Variants in CDYL observed in about 807,000 individuals in gnomAD.
CDYL encodes chromodomain Y like.
A neutral mutation model predicts 47.3 loss-of-function variants in CDYL; 8 were observed. The ratio of observed to expected loss-of-function variants is 0.17; its 90% CI spans 0.10 to 0.31. The LOEUF (loss-of-function observed/expected upper bound fraction) is 0.31, where lower values mean the gene tolerates loss of function less well. Ranked by LOEUF, CDYL falls within the 10% of genes least tolerant of loss-of-function variation. The probability of loss-of-function intolerance (pLI) is 1.00; values close to 1 mark genes in which losing one functional copy is unlikely to be tolerated. For synonymous variants in CDYL, 266 were observed against 265.0 expected, an observed-to-expected ratio of 1.00 and a Z score of -0.04; for missense variants, 471 against 701.4, an observed-to-expected ratio of 0.67 and a Z score of 3.71.
At chr6:4,821,328 A>C (rs1345916156) in intron 1 of CDYL, among the ~76,000 whole-genome samples, 1 of 115,554 alleles carries the variant, frequency 8.7e-6, no homozygotes, top group South Asian at 3.0e-4. Context: ...CCCAGGCTGG[A>C]GTGCAGTGGT....
intron 2 of CDYL, among the ~76,000 whole-genome samples, chr6:4,923,898 CTCAAAAAAAAAAAAAAAAA>C (rs1368239665): frequency 9.8e-5 from 1 of 10,210 alleles, no homozygotes; most frequent in African/African-American, 1.8e-4. Flanking sequence ...GAGACTCCGT[CTCAAAAAAAAAAAAAAAAA>C]TCAAAAAAAA....
At chr6:4,802,512 C>G (rs1257689831) in intron 1 of CDYL, among the ~76,000 whole-genome samples, 1 of 152,074 alleles carries the variant, frequency 6.6e-6, no homozygotes. Flanking sequence ...GTATTCCAGC[C>G]TGGGTGACAG....
intron 1 of CDYL, among the ~76,000 whole-genome samples, chr6:4,868,348 T>G (rs1420657307): frequency 3.3e-5 from 5 of 151,956 alleles, no homozygotes; most frequent in African/African-American, 9.7e-5. Context: ...CTATATTTTC[T>G]TTTTTGACTG....
chr6:4,746,201 T>C (rs945572422), intron 3 of CDYL, among the ~76,000 whole-genome samples: 3 of 151,176 alleles, frequency 2.0e-5, no homozygotes, highest in African/African-American at 7.3e-5. Flanking sequence ...CCATCTCTAC[T>C]GAAAGTACAA....
intron 1 of CDYL, among the ~76,000 whole-genome samples, chr6:4,712,143 G>A (rs916404524): frequency 1.3e-5 from 2 of 152,044 alleles, no homozygotes; most frequent in African/African-American, 4.8e-5. Context: ...TGAGGGAAAA[G>A]CAACCTTTAT....
chr6:4,895,022 T>C (rs1223176254), intron 2 of CDYL, among the ~76,000 whole-genome samples: 2 of 151,760 alleles, frequency 1.3e-5, no homozygotes, highest in African/African-American at 2.4e-5. Context: ...CATATATGTA[T>C]GTATGTGTAT....
chr6:4,914,822 C>T (rs1443008057), intron 2 of CDYL, among the ~76,000 whole-genome samples: 1 of 152,224 alleles, frequency 6.6e-6, no homozygotes. Flanking sequence ...ACAGCAGTAA[C>T]AGCCCGGCAC....
intron 1 of CDYL, among the ~76,000 whole-genome samples, chr6:4,779,585 G>C (rs1261921969): frequency 2.0e-5 from 3 of 152,206 alleles, no homozygotes; most frequent in African/African-American, 7.2e-5. Context: ...GATGGGTAGA[G>C]CATGAACCTT....
At chr6:4,848,555 G>A (rs988045302) in intron 1 of CDYL, among the ~76,000 whole-genome samples, 3 of 152,190 alleles carry the variant, frequency 2.0e-5, no homozygotes, top group Non-Finnish European at 2.9e-5. Flanking sequence ...GAAGGTCTTC[G>A]ACACAGGAGA....
intron 1 of CDYL, among the ~76,000 whole-genome samples, chr6:4,862,884 A>T (rs1440680561): frequency 1.3e-5 from 2 of 152,194 alleles, no homozygotes; most frequent in Non-Finnish European, 2.9e-5. Context: ...TCGTTCTGTC[A>T]AAAAGACACC....
chr6:4,797,958 A>G (rs1239688483), intron 1 of CDYL, among the ~76,000 whole-genome samples: 1 of 151,934 alleles, frequency 6.6e-6, no homozygotes, highest in African/African-American at 2.4e-5. Context: ...CCCAGGAGTG[A>G]ACATCTTTTT....
chr6:4,781,027 A>G (rs1758604793), intron 1 of CDYL, among the ~76,000 whole-genome samples: 1 of 152,198 alleles, frequency 6.6e-6, no homozygotes, highest in Non-Finnish European at 1.5e-5. Flanking sequence ...AACTCCTGTA[A>G]TAGTTAATTC....
chr6:4,925,514 C>T (rs1207834954), intron 2 of CDYL, among the ~76,000 whole-genome samples: 4 of 149,088 alleles, frequency 2.7e-5, no homozygotes, highest in Non-Finnish European at 4.4e-5. Flanking sequence ...CAGGTTCACT[C>T]ATGCCATTCT....
chr6:4,762,662 A>AG (rs1340606163), intron 3 of CDYL, among the ~76,000 whole-genome samples: 3 of 151,162 alleles, frequency 2.0e-5, no homozygotes, highest in Admixed American at 6.6e-5. Context: ...AAAAAAAAAA[A>AG]AAAAAAAGGT....
intron 1 of CDYL, among the ~76,000 whole-genome samples, chr6:4,889,839 T>C (rs1396360754): frequency 2.0e-5 from 3 of 152,166 alleles, no homozygotes; most frequent in Admixed American, 2.0e-4. Flanking sequence ...TGAGTATGCC[T>C]AAAAACGGAG....
At chr6:4,899,995 A>G (rs1756972070) in intron 2 of CDYL, among the ~76,000 whole-genome samples, 1 of 152,168 alleles carries the variant, frequency 6.6e-6, no homozygotes, top group African/African-American at 2.4e-5. Flanking sequence ...CAGCTCCAGA[A>G]ATGTTAACAC....
intron 1 of CDYL, among the ~76,000 whole-genome samples, chr6:4,829,754 G>A (rs372675408): frequency 8.5e-5 from 13 of 152,256 alleles, no homozygotes; most frequent in Admixed American, 2.0e-4. Flanking sequence ...ATGTCGTGCC[G>A]TGGTCTTCTA....
chr6:4,797,123 C>G (rs1481854517), intron 1 of CDYL, among the ~76,000 whole-genome samples: 2 of 152,098 alleles, frequency 1.3e-5, no homozygotes, highest in Non-Finnish European at 2.9e-5. Context: ...TGACATGTAT[C>G]TAGAATTTTT....
chr6:4,761,954 A>T (rs1356836006), intron 3 of CDYL, among the ~76,000 whole-genome samples: 2 of 152,240 alleles, frequency 1.3e-5, no homozygotes, highest in Non-Finnish European at 2.9e-5. Flanking sequence ...TAAGATGTTT[A>T]AAAACACTGA....
Sources: gnomAD v4.1 joint callset for allele counts (sites outside exome capture counted in the v4.1 genomes callset) on GRCh38, gnomAD v4.1.1 for gene constraint, MANE v1.5 for transcripts, NCBI Gene and HGNC (gene_info 2026-07-23, HGNC 2026-07-21) for gene names.